Variants in MVB12B observed in about 807,000 individuals in gnomAD.
MVB12B encodes ESCRT-I complex subunit MVB12B.
Under a neutral mutation model 41.6 loss-of-function variants are expected in MVB12B, and 16 were observed. The ratio of observed to expected loss-of-function variants is 0.38; its 90% confidence interval spans 0.26 to 0.58. The LOEUF is 0.58. MVB12B is among the 20% of genes least tolerant of loss of function. The pLI is 0.62. For synonymous variants in MVB12B, 133 were observed against 139.7 expected, an observed-to-expected ratio of 0.95 and a Z score of 0.34; for missense variants, 274 against 380.2, an observed-to-expected ratio of 0.72 and a Z score of 2.32.
intron 4 of MVB12B, among the ~76,000 whole-genome samples, chr9:126,388,207 C>G (rs1411917018): frequency 1.3e-5 from 2 of 152,138 alleles, no homozygotes; most frequent in Non-Finnish European, 2.9e-5. Context: ...CTCCCCACTC[C>G]CCGCCAGCCC....
chr9:126,338,186 G>A (rs1249551433), intron 1 of MVB12B, among the ~76,000 whole-genome samples: 2 of 152,244 alleles, frequency 1.3e-5, no homozygotes, highest in Admixed American at 1.3e-4. Context: ...CAGCAGCTGG[G>A]GGGAAGGAGG....
intron 1 of MVB12B, among the ~76,000 whole-genome samples, chr9:126,331,968 G>A (rs1038746262): frequency 6.6e-6 from 1 of 152,242 alleles, no homozygotes; most frequent in Non-Finnish European, 1.5e-5. Flanking sequence ...TCATTGCTTA[G>A]ATCTCAGAAA....
At chr9:126,484,512 A>G (rs1377297705) in intron 9 of MVB12B, among the ~76,000 whole-genome samples, 1 of 109,436 alleles carries the variant, frequency 9.1e-6, no homozygotes, top group African/African-American at 2.9e-5. Flanking sequence ...GTGCTTCATG[A>G]GGTCAGGGTA....
intron 2 of MVB12B, among the ~76,000 whole-genome samples, chr9:126,350,551 T>A (rs1829717207): frequency 6.6e-6 from 1 of 152,266 alleles, no homozygotes; most frequent in Admixed American, 6.5e-5. Context: ...GGTGAGGGCC[T>A]TCTTGCTTGG....
At chr9:126,355,156 T>C (rs1238622272) in intron 2 of MVB12B, among the ~76,000 whole-genome samples, 1 of 152,186 alleles carries the variant, frequency 6.6e-6, no homozygotes, top group African/African-American at 2.4e-5. Context: ...GCAGCTTCTT[T>C]TTCCTTAATA....
chr9:126,421,228 G>A (rs892321799), intron 6 of MVB12B, among the ~76,000 whole-genome samples: 2 of 152,264 alleles, frequency 1.3e-5, no homozygotes, highest in African/African-American at 2.4e-5. Context: ...AGCCATCAAA[G>A]ACTGTGCTGT....
At chr9:126,385,996 C>T (rs1182913335) in intron 3 of MVB12B, among the ~76,000 whole-genome samples, 6 of 152,142 alleles carry the variant, frequency 3.9e-5, no homozygotes, top group African/African-American at 9.7e-5. Flanking sequence ...GGCCCTTGTG[C>T]GTGTCATTTT....
intron 2 of MVB12B, among the ~76,000 whole-genome samples, chr9:126,366,431 A>G (rs1026164786): frequency 3.3e-5 from 5 of 152,194 alleles, no homozygotes; most frequent in Non-Finnish European, 1.5e-5. Flanking sequence ...AAGGAAGAAA[A>G]TAAAAGCGAC....
At chr9:126,474,516 A>G (rs1833383114) in intron 7 of MVB12B, among the ~76,000 whole-genome samples, 1 of 152,152 alleles carries the variant, frequency 6.6e-6, no homozygotes, top group Non-Finnish European at 1.5e-5. Flanking sequence ...GATGTTACAG[A>G]ATTAAGAGGG....
intron 2 of MVB12B, among the ~76,000 whole-genome samples, chr9:126,358,377 A>T (rs552665577): frequency 6.6e-6 from 1 of 151,168 alleles, no homozygotes; most frequent in South Asian, 2.1e-4. Flanking sequence ...TTGGAGTTGT[A>T]TTAAATGTGT....
rs1256409466 is a variant in MVB12B at position 126,481,389 on chromosome 9, A to G, written c.778A>G (p.Met260Val). The G allele has an allele frequency of 6.2e-7, 1 of 1,613,534 alleles. No homozygotes were observed. The highest frequency in any genetic ancestry group is 8.5e-7 in the Non-Finnish European group (1 of 1,179,804). The change falls in exon 8 of 10, where the codon ATG becomes GTG. Residue 260 changes from methionine to valine, a missense_variant. Physicochemically the swap from Met to Val is conservative, Grantham distance 21 (BLOSUM62 1). Transcript: ENST00000361171. ...AISAMDGVPFMISEKFSCVPE... is the reference protein window; with the variant it reads ...AISAMDGVPFVISEKFSCVPE... ...TGCAGCAATGGATGGTGTGCCTTTT[A>G]TGATTTCAGAGAAGTTTTCTTGTGT...
chr9:126,411,298 C>T (rs562873137), intron 6 of MVB12B, among the ~76,000 whole-genome samples: 1 of 152,030 alleles, frequency 6.6e-6, no homozygotes, highest in South Asian at 2.1e-4. Flanking sequence ...GATTTATGTT[C>T]GTGTTTCAGT....
At chr9:126,496,912 G>T (rs1833847983) in intron 9 of MVB12B, among the ~76,000 whole-genome samples, 2 of 152,180 alleles carry the variant, frequency 1.3e-5, no homozygotes, top group African/African-American at 2.4e-5. Context: ...CTAGGGCAGG[G>T]TGTCCCTCAG....
rs1588203559 is a variant in MVB12B at position 126,480,453 on chromosome 9, A to C, written c.758-916A>C. 6.6e-6 allele frequency among the ~76,000 whole-genome samples: 1 copy of C among 152,074 alleles called. No homozygotes were observed. The highest frequency in any genetic ancestry group is 1.9e-4 in the East Asian group (1 of 5,186). ...GTCCTCCTCTCTGAGGTTATAATTC[A>C]TAGAGAAGTGCTCACTTACGGAGGC... On this transcript the variant is annotated intron_variant, in intron 7 of 9. Coordinates refer to ENST00000361171, the MANE Select transcript of MVB12B (RefSeq NM_033446.3). The surrounding 1 kb of genome is among the most constrained non-coding windows in gnomAD (Gnocchi z 4.9).
In MVB12B at chr9:126,326,950, G is replaced by A; in HGVS notation, c.21G>A (p.Val7=). The change falls in exon 1 of 10, where the codon GTG becomes GTA. Residue 7 remains valine, a synonymous_variant. Coordinates refer to ENST00000361171, the MANE Select transcript of MVB12B (RefSeq NM_033446.3). MRSCFC[V]RRSRDPPPPQ... ...GGGCGATGAGAAGCTGCTTCTGCGT[G>A]AGACGGAGCCGGGACCCGCCGCCGC... 1 of 279,304 alleles carries A rather than the reference G, an allele frequency of 3.6e-6. No homozygotes were observed. The highest frequency in any genetic ancestry group is 2.8e-5 in the South Asian group (1 of 35,360). The allele number at this position is 279,304 out of a possible 1,614,324, so 17.3% of individuals were successfully genotyped here. A position where few individuals can be genotyped will look rare whatever the true frequency, so the allele number is the denominator to read the frequency against.
At position 126,389,063 on chromosome 9, in the gene MVB12B, C is replaced by T. The variant is rs1450092121; in HGVS notation, c.409+2405C>T. ...CTCTGTCCTGTCTGGGCTTGGGGCC[C>T]AGCTGCTGTGGGGCCCAGGGGTCCT... On this transcript the variant is annotated intron_variant, in intron 4 of 9. Coordinates refer to ENST00000361171, the MANE Select transcript of MVB12B (RefSeq NM_033446.3). This position sits in a 1 kb window ranked among gnomAD's most constrained non-coding sequence, Gnocchi z 4.4. Among the ~76,000 whole-genome samples the T allele has an allele frequency of 2.6e-5, 4 of 152,206 alleles. No homozygotes were observed. The highest frequency in any genetic ancestry group is 5.9e-5 in the Non-Finnish European group (4 of 68,036).
intron 2 of MVB12B, among the ~76,000 whole-genome samples, chr9:126,380,389 C>CA (rs1164831516): frequency 2.0e-5 from 3 of 152,230 alleles, no homozygotes; most frequent in Admixed American, 1.3e-4. Context: ...GCGTCATTCT[C>CA]AGACTCTTCC....
chr9:126,453,678 A>G (rs1832923618), intron 7 of MVB12B, among the ~76,000 whole-genome samples: 1 of 152,138 alleles, frequency 6.6e-6, no homozygotes, highest in Admixed American at 6.5e-5. Context: ...ACACAATCTC[A>G]CATGCGTTAC....
rs78268401 is a variant in MVB12B at position 126,440,330 on chromosome 9, G to A, written c.757+18382G>A. On this transcript the variant is annotated intron_variant, in intron 7 of 9. Transcript: ENST00000361171. Reference sequence around the variant, plus strand: ...TTTGAGAGGCGCTGATAGCCTTGGCGGTGGCACTGGGGCCTGTGAGGGGTT... The same window carrying A: ...TTTGAGAGGCGCTGATAGCCTTGGCAGTGGCACTGGGGCCTGTGAGGGGTT... Among the ~76,000 whole-genome samples the A allele has an allele frequency of 5.0e-3, 767 of 152,306 alleles. 11 individuals are homozygous for A. The highest frequency in any genetic ancestry group is 0.018 in the African/African-American group (734 of 41,564).
Sources: allele counts gnomAD v4.1 joint callset (sites outside exome capture counted in the v4.1 genomes callset), GRCh38; gene constraint gnomAD v4.1.1; non-coding constraint Gnocchi (gnomAD v3.1); transcripts MANE v1.5; gene names NCBI Gene and HGNC (gene_info 2026-07-23, HGNC 2026-07-21).